KIF18B: variants seen among roughly 807,000 people sequenced by gnomAD.
KIF18B encodes the protein kinesin family member 18B, also known as kinesin-like protein KIF18B.
Under a neutral mutation model 80.9 loss-of-function variants are expected in KIF18B, and 49 were observed. That is an observed-to-expected ratio of 0.61 (90% confidence interval 0.48 to 0.77). The LOEUF (loss-of-function observed/expected upper bound fraction) is 0.77, where lower values mean the gene tolerates loss of function less well. KIF18B is among the 30% of genes least tolerant of loss of function. KIF18B has a pLI of 0.00. For missense variants in KIF18B, 994 were observed against 1,127.7 expected (o/e 0.88, Z 1.70); for synonymous variants, 439 against 463.9 (o/e 0.95, Z 0.69).
At chr17:44,937,977 TACACACACACACACACACACAC>T (rs57130293) in intron 1 of KIF18B, among the ~76,000 whole-genome samples, 22 of 144,048 alleles carry the variant, frequency 1.5e-4, no homozygotes, top group African/African-American at 5.1e-4. Context: ...AGCATCTCCA[TACACACACACACACACACACAC>T]ACACACACAC....
rs573480138 is a variant in KIF18B, at chr17:44,928,887, G to T, written c.1655C>A (p.Ala552Glu). The T allele has an allele frequency of 1.9e-6, 3 of 1,613,940 alleles. No homozygotes were observed. In the South Asian group the frequency reaches 3.3e-5, roughly 18 times the overall value. The change falls in exon 12 of 16, where the codon GCA (alanine) becomes GAA (glutamate). Residue 552 changes from alanine (A) to glutamate (E), a missense_variant. Ala to Glu is a moderately radical substitution (Grantham distance 107). Transcript: ENST00000593135. ...LVQEEKIEPG[A>E]EALRTSGLAR... The stretch of plus-strand genomic sequence containing the variant: ...CAGGCCTGAAGTCCTCAAGGCCTCT[G>T]CCCCAGGCTCAATTTTTTCCTCTTG...
At chr17:44,930,449 A>G (rs892898201) in intron 11 of KIF18B, among the ~76,000 whole-genome samples, 2 of 152,258 alleles carry the variant, frequency 1.3e-5, no homozygotes, top group East Asian at 3.8e-4. Context: ...ACAATAAAAA[A>G]AAATCTGAAA....
rs1035171546 is a variant in KIF18B at position 44,927,436 on chromosome 17, G to A, written c.2277-358C>T. 3.3e-5 allele frequency among the ~76,000 whole-genome samples: 5 copies of A among 152,194 alleles called. No individual in the cohort carries two copies. The highest frequency in any genetic ancestry group is 1.2e-4 in the African/African-American group (5 of 41,452). On this transcript the variant is annotated intron_variant, in intron 13 of 15. Coordinates refer to ENST00000593135, the MANE Select transcript of KIF18B (RefSeq NM_001265577.2). This position sits in a 1 kb window ranked among gnomAD's most constrained non-coding sequence, Gnocchi z 4.1. ...GCCTGCCAGCCTCTGCCCCACAGGT[G>A]CAGGTCAGTCTGCCACTGGTTCTTG... is the stretch of plus-strand genomic sequence containing the variant.
chr17:44,929,561 C>G (rs2052104235), intron 11 of KIF18B, among the ~76,000 whole-genome samples: 1 of 152,142 alleles, frequency 6.6e-6, no homozygotes, highest in African/African-American at 2.4e-5. Context: ...ATAACAAATG[C>G]CCCCACCTCA....
rs1274624054 is a variant in KIF18B at position 44,925,048 on chromosome 17, C to T, written c.*1032G>A. ...CAAGCCGCGACTCCCCGCTCCCCAA[C>T]CCATCCTCATTCCTCCTCTACTGCC... On this transcript the variant is annotated 3_prime_UTR_variant, in exon 16 of 16. Coordinates refer to ENST00000593135, the MANE Select transcript of KIF18B (RefSeq NM_001265577.2). 1.3e-5 allele frequency: 2 copies of T among 152,198 alleles called. No individual in the cohort carries two copies. The highest frequency in any genetic ancestry group is 4.8e-5 in the African/African-American group (2 of 41,392). 9.4% of individuals were successfully genotyped at this position (152,198 alleles called of 1,614,324 possible).
chr17:44,934,764 A>C lies in KIF18B; in HGVS notation c.576+67T>G. On this transcript the variant is annotated intron_variant, in intron 4 of 15. Transcript: ENST00000593135. This position sits in a 1 kb window ranked among gnomAD's most constrained non-coding sequence, Gnocchi z 5.4. ...CATCACAGGACCCAGGGCATCCCCA[A>C]ACAGTTTTGTGAGGGAACCCCAAGG... The C allele has an allele frequency of 7.4e-7, 1 of 1,343,732 alleles. No homozygotes were observed. The highest frequency in any genetic ancestry group is 1.0e-6 in the Non-Finnish European group (1 of 975,614). 83.2% of individuals were successfully genotyped at this position (1,343,732 alleles called of 1,614,324 possible).
intron 10 of KIF18B, 78 bp downstream of exon 10, chr17:44,931,978 C>A: frequency 1.4e-6 from 2 of 1,480,444 alleles, no homozygotes; most frequent in South Asian, 2.6e-5. Flanking sequence ...GACTCTGAGT[C>A]AGGGAGAGGC....
rs371014845 is a variant in KIF18B at position 44,938,533 on chromosome 17, T to C, written c.-14-2175A>G. ...GACATTTCTTCTCCAAGGTAATAAA[T>C]CCTCTTCTTATATTTCTATCTAATA... On this transcript the variant is annotated intron_variant, in intron 1 of 15. Transcript: ENST00000593135. Among the ~76,000 whole-genome samples the C allele has an allele frequency of 2.2e-4, 34 of 152,338 alleles. 1 individual carries two copies. The highest frequency in any genetic ancestry group is 8.2e-4 in the African/African-American group (34 of 41,586).
At chr17:44,928,614 G>A (rs1201395732) in intron 12 of KIF18B, 36 bp from the exon 13 acceptor site, 2 of 1,442,928 alleles carry the variant, frequency 1.4e-6, no homozygotes, top group Non-Finnish European at 1.8e-6. Flanking sequence ...AGAACTTGGG[G>A]AGCCAGACAC....
chr17:44,944,314 C>T (rs935603467), intron 1 of KIF18B, among the ~76,000 whole-genome samples: 3 of 151,984 alleles, frequency 2.0e-5, no homozygotes, highest in African/African-American at 4.8e-5. Context: ...GTGGTCTCAG[C>T]TCACTGCAAC....
At chr17:44,936,594 CTCTCTATATATATA>C (rs1377773520) in intron 1 of KIF18B, among the ~76,000 whole-genome samples, 7 of 45,114 alleles carry the variant, frequency 1.6e-4, no homozygotes, top group African/African-American at 6.2e-4. Context: ...CTCTCTCTCT[CTCTCTATATATATA>C]TATATATATA....
chr17:44,929,668 T>C (rs1395099800), intron 11 of KIF18B, among the ~76,000 whole-genome samples: 3 of 152,242 alleles, frequency 2.0e-5, no homozygotes, highest in Non-Finnish European at 2.9e-5. Context: ...CTAACTATTG[T>C]TTCCTGTAAA....
rs757611142 is a variant in KIF18B, at chr17:44,936,325, G to T, written c.20C>A (p.Thr7Lys). The T allele has an allele frequency of 7.5e-6, 12 of 1,606,816 alleles. No individual in the cohort carries two copies. The highest frequency in any genetic ancestry group is 9.3e-6 in the Non-Finnish European group (11 of 1,177,868). MAVEDS[T>K]LQVVVRVRPP... ...CCGCACCCGTACCACTACTTGCAGCGTGCTGTCCTCCACTGCCATCACTGT... is the reference window on the plus strand; with the variant it reads ...CCGCACCCGTACCACTACTTGCAGCTTGCTGTCCTCCACTGCCATCACTGT... Residue 7 changes from threonine to lysine, a missense_variant, in exon 2 of 16, where the codon ACG (threonine) becomes AAG (lysine). Thr to Lys is a moderately conservative substitution (Grantham distance 78, BLOSUM62 -1). Transcript: ENST00000593135.
In KIF18B at chr17:44,927,965, G is replaced by A; in HGVS notation, c.2276+61C>T. The A allele has an allele frequency of 1.4e-6, 2 of 1,379,400 alleles. No homozygotes were observed. Among genetic ancestry groups the A allele is most frequent in the Non-Finnish European group, 2.0e-6 (2 of 1,023,362 alleles). The allele number at this position is 1,379,400 out of a possible 1,614,324, so 85.4% of individuals were successfully genotyped here. On this transcript the variant is annotated intron_variant, in intron 13 of 15. Coordinates refer to ENST00000593135, the MANE Select transcript of KIF18B (RefSeq NM_001265577.2). The surrounding 1 kb of genome is among the most constrained non-coding windows in gnomAD (Gnocchi z 4.1). Reference sequence around the variant, plus strand: ...CCTCCATACTTCTCAGCAGCACCAAGAAGTCCCTTGCTGACCACTGACCAC... The same window carrying A: ...CCTCCATACTTCTCAGCAGCACCAAAAAGTCCCTTGCTGACCACTGACCAC...
intron 1 of KIF18B, among the ~76,000 whole-genome samples, chr17:44,945,739 G>A (rs9893088): frequency 6.6e-6 from 1 of 151,012 alleles, no homozygotes; most frequent in Non-Finnish European, 1.5e-5. Context: ...ACCCCATCCC[G>A]ACTAAAAATA....
Position 44,934,572 on chromosome 17 carries a change from G to T in KIF18B, c.622C>A (p.Arg208Ser). The change falls in exon 5 of 16, where the codon CGT (arginine) becomes AGT (serine). Residue 208 changes from arginine to serine, a missense_variant. Coordinates refer to ENST00000593135, the MANE Select transcript of KIF18B (RefSeq NM_001265577.2). The surrounding 1 kb of genome is among the most constrained non-coding windows in gnomAD (Gnocchi z 5.4). ...QLLEILTRGNRNRTQHPTDAN... is the reference protein window; with the variant it reads ...QLLEILTRGNSNRTQHPTDAN... ...TCAGTGGGGTGCTGCGTGCGGTTAC[G>T]GTTCCCCCTGGTCAGTATCTCCAGC... 5 of 1,612,582 alleles carry T rather than the reference G, an allele frequency of 3.1e-6. No individual in the cohort carries two copies. Among genetic ancestry groups the T allele is most frequent in the Middle Eastern group, 1.7e-4 (1 of 6,056 alleles).
intron 1 of KIF18B, among the ~76,000 whole-genome samples, chr17:44,939,137 G>A (rs959087117): frequency 3.3e-5 from 5 of 151,600 alleles, no homozygotes; most frequent in African/African-American, 9.7e-5. Context: ...TTGGGAGGCC[G>A]AGGTGGGCAG....
In KIF18B at chr17:44,938,787, G is replaced by A. The variant is rs530118903; in HGVS notation, c.-14-2429C>T. On this transcript the variant is annotated intron_variant, in intron 1 of 15. Transcript: ENST00000593135. The stretch of plus-strand genomic sequence containing the variant: ...TGGCTGGGTGTGGTGGCTCATGCCT[G>A]TAATCCCAGCACTTTGGGAGACCAA... Among the ~76,000 whole-genome samples the A allele has an allele frequency of 2.0e-4, 30 of 152,308 alleles. No individual in the cohort carries two copies. In the East Asian group the frequency reaches 5.4e-3, roughly 27 times the overall value.
In KIF18B at chr17:44,927,360, C is replaced by T. The variant is rs1192291551; in HGVS notation, c.2277-282G>A. Among the ~76,000 whole-genome samples the T allele has an allele frequency of 6.6e-6, 1 of 152,212 alleles. No homozygotes were observed. On this transcript the variant is annotated intron_variant, in intron 13 of 15. Transcript: ENST00000593135. This position sits in a 1 kb window ranked among gnomAD's most constrained non-coding sequence, Gnocchi z 4.1. ...CACCTGCCCAGCTCTGCGCTTGTTACCGAGAGCTGCTTCTCGGGCTATGGA... is the reference window on the plus strand; with the variant it reads ...CACCTGCCCAGCTCTGCGCTTGTTATCGAGAGCTGCTTCTCGGGCTATGGA...
Sources: allele counts gnomAD v4.1 joint callset (sites outside exome capture counted in the v4.1 genomes callset), GRCh38; gene constraint gnomAD v4.1.1; non-coding constraint Gnocchi (gnomAD v3.1); transcripts MANE v1.5; gene names NCBI Gene and HGNC (gene_info 2026-07-23, HGNC 2026-07-21).